ACSL6: variants seen among roughly 807,000 people sequenced by gnomAD.
ACSL6 encodes the protein acyl-CoA synthetase long chain family member 6.
A neutral mutation model predicts 98.2 loss-of-function variants in ACSL6; 47 were observed. The observed-to-expected ratio is 0.48, with a 90% confidence interval of 0.38 to 0.61. ACSL6 has a LOEUF of 0.61. Ranked by LOEUF, ACSL6 falls within the 20% of genes least tolerant of loss-of-function variation. ACSL6 has a pLI of 0.00. For missense variants in ACSL6, 761 were observed against 913.4 expected (o/e 0.83, Z 2.15); for synonymous variants, 362 against 336.9 (o/e 1.07, Z -0.82).
chr5:131,959,914 G>A (rs1254452726), intron 19 of ACSL6: 1 of 402,356 alleles, frequency 2.5e-6, no homozygotes, highest in Non-Finnish European at 4.5e-6. Context: ...AGGGCCCAGG[G>A]TCCCGTAGGA....
At chr5:132,002,912 C>A (rs1156852754) in intron 1 of ACSL6, among the ~76,000 whole-genome samples, 1 of 152,152 alleles carries the variant, frequency 6.6e-6, no homozygotes, top group Non-Finnish European at 1.5e-5. Context: ...CTCATGCCTT[C>A]AGAGTCACAG....
chr5:131,966,654 C>T, intron 16 of ACSL6, 122 bp from the exon 17 acceptor site: 1 of 837,530 alleles, frequency 1.2e-6, no homozygotes, highest in South Asian at 1.5e-5. Flanking sequence ...GTGGATATGG[C>T]AGGGATGGAA....
intron 19 of ACSL6, among the ~76,000 whole-genome samples, chr5:131,960,263 CA>C (rs11343802): frequency 0.027 from 4,046 of 152,220 alleles, 187 homozygotes; most frequent in African/African-American, 0.092. Flanking sequence ...AGCCACAAAG[CA>C]ACAGGGCTGG....
In ACSL6 at chr5:131,971,578, C is replaced by T; in HGVS notation, c.1406G>A (p.Gly469Glu). 1.2e-6 allele frequency: 2 copies of T among 1,611,702 alleles called. No homozygotes were observed. Among genetic ancestry groups the T allele is most frequent in the Non-Finnish European group, 1.7e-6 (2 of 1,178,820 alleles). The change falls in exon 14 of 21, where the codon GGA (glycine) becomes GAA (glutamate). Residue 469 changes from glycine to glutamate, a missense_variant. By Grantham distance (98) the Gly-to-Glu change is moderately conservative. Coordinates refer to ENST00000651883, the MANE Select transcript of ACSL6 (RefSeq NM_001009185.3). ...GAAPASPTVLGFLRAALGCQV... is the reference protein window; with the variant it reads ...GAAPASPTVLEFLRAALGCQV... ...GCACCCTAGAGCTGCCCGGAGAAAT[C>T]CCAGAACTGTTGGTGATGCTGGGGC...
chr5:131,975,361 C>T, intron 10 of ACSL6: 3 of 985,436 alleles, frequency 3.0e-6, no homozygotes, highest in Non-Finnish European at 2.4e-6. Flanking sequence ...CGGCTCTAGC[C>T]CGGCTCTCTC....
chr5:131,972,764 T>A lies in ACSL6; in HGVS notation c.1298A>T (p.Asn433Ile), dbSNP rs1753380156. The change falls in exon 13 of 21, where the codon AAT becomes ATT. Residue 433 changes from asparagine to isoleucine, a missense_variant. Asn to Ile is a moderately radical substitution (Grantham distance 149). Coordinates refer to ENST00000651883, the MANE Select transcript of ACSL6 (RefSeq NM_001009185.3). ...GAAGAGTTCATCCCAGATACTATCA[T>A]TCCTGATGATTCCACTCCGGACCTC... ...QAEVRSGIIR[N>I]DSIWDELFFN... is the part of the protein sequence containing the mutation. The A allele has an allele frequency of 6.2e-7, 1 of 1,614,102 alleles. No homozygotes were observed. Among genetic ancestry groups the A allele is most frequent in the South Asian group, 1.1e-5 (1 of 91,094 alleles).
At chr5:131,990,733 A>G (rs1387978582) in intron 3 of ACSL6, 120 bp downstream of exon 3, 5 of 873,222 alleles carry the variant, frequency 5.7e-6, no homozygotes, top group South Asian at 1.6e-5. Flanking sequence ...GCTTCTCTCC[A>G]CTGAACCTGG....
At chr5:131,956,729 A>C (rs1033275742) in intron 20 of ACSL6, among the ~76,000 whole-genome samples, 3 of 152,190 alleles carry the variant, frequency 2.0e-5, no homozygotes, top group Admixed American at 2.0e-4. Context: ...ATAAAAACAC[A>C]TGTTCATTTT....
rs73786737 is a variant in ACSL6 at position 131,986,780 on chromosome 5, C to T, written c.864+42G>A. 1,860 of 1,612,764 alleles carry T rather than the reference C, an allele frequency of 1.2e-3. 11 individuals are homozygous for T. In the African/African-American group the frequency reaches 0.021, roughly 18 times the overall value. On this transcript the variant is annotated intron_variant, in intron 8 of 20. Coordinates refer to ENST00000651883, the MANE Select transcript of ACSL6 (RefSeq NM_001009185.3). ...GGACTCTGTGAGGACAGGCCCTGCA[C>T]GCCATCTCGCTCAATAAAGACCTGC...
intron 7 of ACSL6, among the ~76,000 whole-genome samples, chr5:131,987,246 A>G (rs980096657): frequency 1.3e-5 from 2 of 152,210 alleles, no homozygotes; most frequent in Non-Finnish European, 2.9e-5. Flanking sequence ...TGCACATGCC[A>G]CCTGTATGAT....
chr5:131,988,005 A>C (rs777339965), intron 7 of ACSL6, 43 bp downstream of exon 7: 1 of 1,601,800 alleles, frequency 6.2e-7, no homozygotes, highest in Non-Finnish European at 8.5e-7. Context: ...CTTGGTGACC[A>C]GCCAGCAGTA....
chr5:131,960,733 G>A (rs1459939740), intron 18 of ACSL6, 112 bp from the exon 19 acceptor site: 14 of 707,910 alleles, frequency 2.0e-5, no homozygotes, highest in Non-Finnish European at 3.0e-5. Context: ...CTAAGTATAT[G>A]TTTATAAAAC....
At position 131,959,533 on chromosome 5, in the gene ACSL6, T is replaced by C. The variant is rs769671702; in HGVS notation, c.2031+3A>G. ...TAACGAGTATGGGGAAGGTAACAGT[T>C]ACCTGCTCAAAAGAATGGAGTCCAC... On this transcript the variant is annotated splice_donor_region_variant and intron_variant, in intron 20 of 20. Coordinates refer to ENST00000651883, the MANE Select transcript of ACSL6 (RefSeq NM_001009185.3). 4 of 1,614,092 alleles carry C rather than the reference T, an allele frequency of 2.5e-6. No homozygotes were observed. Among genetic ancestry groups the C allele is most frequent in the Non-Finnish European group, 2.5e-6 (3 of 1,179,952 alleles).
intron 9 of ACSL6, chr5:131,982,129 G>A (rs1222248607): frequency 2.5e-5 from 3 of 119,570 alleles, no homozygotes; most frequent in African/African-American, 1.0e-4. Context: ...GTGCTGGGAA[G>A]ACCAGTCTTT....
intron 7 of ACSL6, among the ~76,000 whole-genome samples, chr5:131,987,603 G>A (rs1754267795): frequency 6.6e-6 from 1 of 152,228 alleles, no homozygotes; most frequent in African/African-American, 2.4e-5. Context: ...CCAACCTGAT[G>A]TCTCTGGGGA....
intron 9 of ACSL6, 150 bp downstream of exon 9, chr5:131,985,257 G>T: frequency 2.2e-6 from 2 of 903,198 alleles, no homozygotes; most frequent in East Asian, 2.8e-5. Context: ...GCACTGGGAG[G>T]TGCAGGAGGT....
At chr5:132,010,870 C>A (rs1459735140) in intron 1 of ACSL6, among the ~76,000 whole-genome samples, 2 of 152,058 alleles carry the variant, frequency 1.3e-5, no homozygotes, top group African/African-American at 4.8e-5. Flanking sequence ...GAGCAGGGGT[C>A]CTTGTAGCCG....
intron 7 of ACSL6, 114 bp from the exon 8 acceptor site, chr5:131,986,968 CAT>C (rs1754225948): frequency 1.2e-5 from 11 of 951,436 alleles, no homozygotes; most frequent in East Asian, 2.6e-5. Flanking sequence ...CACACACACA[CAT>C]ACCCACACAC....
chr5:131,991,009 T>C (rs1222951613), intron 2 of ACSL6, 42 bp from the exon 3 acceptor site: 1 of 1,583,388 alleles, frequency 6.3e-7, no homozygotes, highest in African/African-American at 1.3e-5. Context: ...CTGAGGCAGG[T>C]AGGGGTGCCA....
Sources: allele counts gnomAD v4.1 joint callset (sites outside exome capture counted in the v4.1 genomes callset), GRCh38; gene constraint gnomAD v4.1.1; transcripts MANE v1.5; gene names NCBI Gene and HGNC (gene_info 2026-07-23, HGNC 2026-07-21).